Variants in KCNG4 observed in about 807,000 individuals in gnomAD.
KCNG4 encodes the protein potassium voltage-gated channel modifier subfamily G member 4.
In KCNG4, 30 loss-of-function variants were observed where a neutral mutation model predicts 28.2. The observed-to-expected ratio is 1.06, with a 90% CI of 0.80 to 1.44. KCNG4 has a LOEUF of 1.44. KCNG4 is among the 40% of genes most tolerant of loss of function. The pLI is 0.00. For missense variants in KCNG4, 879 were observed against 712.3 expected, an observed-to-expected ratio of 1.23 and a Z score of -2.66; for synonymous variants, 375 against 315.5, an observed-to-expected ratio of 1.19 and a Z score of -2.00.
At position 84,237,402 on chromosome 16, in the gene KCNG4, G is replaced by A; in HGVS notation, c.84C>T (p.Ser28=). The change falls in exon 2 of 3, where the codon TCC becomes TCT. Residue 28 remains serine (S), a synonymous_variant. Coordinates refer to ENST00000308251, the MANE Select transcript of KCNG4 (RefSeq NM_172347.3). ...GSHSPWSQLL[S]SPMETPSIKG... ...TGATGGACGGCGTCTCCATGGGGCT[G>A]GACAGGAGCTGACTCCAAGGGCTGT... 1.3e-6 allele frequency: 2 copies of A among 1,523,948 alleles called. No individual in the cohort carries two copies. The highest frequency in any genetic ancestry group is 2.8e-5 in the African/African-American group (2 of 71,994). 94.4% of individuals were successfully genotyped at this position (1,523,948 alleles called of 1,614,324 possible).
chr16:84,235,060 G>C (rs1904915342), intron 2 of KCNG4, among the ~76,000 whole-genome samples: 1 of 152,178 alleles, frequency 6.6e-6, no homozygotes, highest in Non-Finnish European at 1.5e-5. Context: ...AGACGTGGCT[G>C]CCTGATCCTC....
In KCNG4 at chr16:84,220,139, G is replaced by C. The variant is rs531376882; in HGVS notation, c.*2078C>G. On this transcript the variant is annotated 3_prime_UTR_variant, in exon 3 of 3. Coordinates refer to ENST00000308251, the MANE Select transcript of KCNG4 (RefSeq NM_172347.3). ...CACTTCTATGGCTACTGTCCAAGGT[G>C]CCTGTGACATGGAATTTCTACGCAA... 2 of 152,288 alleles carry C rather than the reference G, an allele frequency of 1.3e-5. No homozygotes were observed. The highest frequency in any genetic ancestry group is 4.1e-4 in the South Asian group (2 of 4,828). 9.4% of individuals were successfully genotyped at this position (152,288 alleles called of 1,614,324 possible). A position where few individuals can be genotyped will look rare whatever the true frequency, so the allele number is the denominator to read the frequency against.
chr16:84,226,133 C>T lies in KCNG4; in HGVS notation c.757-3113G>A, dbSNP rs1567624527. On this transcript the variant is annotated intron_variant, in intron 2 of 2. Coordinates refer to ENST00000308251, the MANE Select transcript of KCNG4 (RefSeq NM_172347.3). The surrounding 1 kb of genome is among the most constrained non-coding windows in gnomAD (Gnocchi z 4.1). Reference sequence around the variant, plus strand: ...CCCTATTCCTAGCCCTTGCCACAGGCAGAGCGAGGTGTGTTCTGGCTCCTT... The same window carrying T: ...CCCTATTCCTAGCCCTTGCCACAGGTAGAGCGAGGTGTGTTCTGGCTCCTT... 1.3e-5 allele frequency among the ~76,000 whole-genome samples: 2 copies of T among 152,208 alleles called. No individual in the cohort carries two copies. Among genetic ancestry groups the T allele is most frequent in the Non-Finnish European group, 2.9e-5 (2 of 68,038 alleles).
intron 2 of KCNG4, among the ~76,000 whole-genome samples, chr16:84,232,692 G>C (rs1567626294): frequency 6.6e-6 from 1 of 152,040 alleles, no homozygotes; most frequent in African/African-American, 2.4e-5. Context: ...TTGAGCTCAG[G>C]AGTTCGAGAC....
At chr16:84,234,421 C>T (rs34764378) in intron 2 of KCNG4, among the ~76,000 whole-genome samples, 18,634 of 152,084 alleles carry the variant, frequency 0.12, 1,325 homozygotes, top group East Asian at 0.28. Flanking sequence ...TCAGGAGATC[C>T]ACCCACCTCG....
rs1597622471 is a variant in KCNG4 at position 84,237,256 on chromosome 16, AGT to A, written c.228_229del (p.Leu77GlyfsTer26). On this transcript the variant is annotated frameshift_variant, in exon 2 of 3. Coordinates refer to ENST00000308251, the MANE Select transcript of KCNG4 (RefSeq NM_172347.3). LOFTEE classifies it high-confidence loss of function. Reference sequence around the variant, plus strand: ...CAGGCGGCTCAGCGGGAACCGGTCCAGTGTGCTCCAGGGGAGGAGATACCTCC... The same window carrying A: ...CAGGCGGCTCAGCGGGAACCGGTCCAGTGCTCCAGGGGAGGAGATACCTCC... 4.3e-6 allele frequency: 7 copies of A among 1,613,648 alleles called. No individual in the cohort carries two copies. The highest frequency in any genetic ancestry group is 5.9e-6 in the Non-Finnish European group (7 of 1,179,698).
intron 2 of KCNG4, among the ~76,000 whole-genome samples, chr16:84,230,496 C>T (rs958506369): frequency 1.3e-5 from 2 of 151,786 alleles, no homozygotes; most frequent in Non-Finnish European, 2.9e-5. Flanking sequence ...GGCGTGAACC[C>T]GGGGGGCAGA....
chr16:84,225,321 C>T (rs1234414844), intron 2 of KCNG4, among the ~76,000 whole-genome samples: 4 of 152,114 alleles, frequency 2.6e-5, no homozygotes, highest in Non-Finnish European at 5.9e-5. Context: ...GACTTTGCAG[C>T]GGCCACTGGC....
rs1245886294 is a variant in KCNG4, at chr16:84,222,239, G to A, written c.1538C>T (p.Ala513Val). 6.2e-7 allele frequency: 1 copy of A among 1,614,146 alleles called. No individual in the cohort carries two copies. Among genetic ancestry groups the A allele is most frequent in the Non-Finnish European group, 8.5e-7 (1 of 1,180,030 alleles). ...DVNDLILEGP[A>V]LPIMHM ...GAGTTACATGTGCATGATAGGCAAG[G>A]CTGGGCCCTCCAGGATTAGGTCATT... is the stretch of plus-strand genomic sequence containing the variant. The change falls in exon 3 of 3, where the codon GCC becomes GTC. Residue 513 changes from alanine (A) to valine (V), a missense_variant. Transcript: ENST00000308251.
chr16:84,237,622 C>G, intron 1 of KCNG4, 97 bp from the exon 2 acceptor site: 2 of 783,832 alleles, frequency 2.6e-6, no homozygotes, highest in Non-Finnish European at 1.8e-6. Context: ...CTTACGTGTG[C>G]TTTCCTGTGA....
chr16:84,237,078 C>T lies in KCNG4; in HGVS notation c.408G>A (p.Gln136=). ...CCTGGAAGGACAGCGCGCACATCTC[C>T]TGCAGAAGCACCAGCTTCCCGGCCG... ...FLAAGKLVLL[Q]EMCALSFQEE... Residue 136 remains glutamine, a synonymous_variant, in exon 2 of 3, where the codon CAG becomes CAA. Transcript: ENST00000308251. 12 of 1,614,138 alleles carry T rather than the reference C, an allele frequency of 7.4e-6. No individual in the cohort carries two copies. The highest frequency in any genetic ancestry group is 1.0e-5 in the Non-Finnish European group (12 of 1,180,026).
Position 84,221,028 on chromosome 16 carries a change from C to T in KCNG4, c.*1189G>A, listed in dbSNP as rs1208889258. 1.3e-5 allele frequency: 2 copies of T among 152,362 alleles called. No individual in the cohort carries two copies. Among genetic ancestry groups the T allele is most frequent in the African/African-American group, 4.8e-5 (2 of 41,456 alleles). The allele number at this position is 152,362 out of a possible 1,614,324, so 9.4% of individuals were successfully genotyped here. On this transcript the variant is annotated 3_prime_UTR_variant, in exon 3 of 3. Transcript: ENST00000308251. Reference sequence around the variant, plus strand: ...CTGTGAGGCCTTTGGGAGCCCACTGCTTGGAAGTCATTGCTCCTTCCTGCC... The same window carrying T: ...CTGTGAGGCCTTTGGGAGCCCACTGTTTGGAAGTCATTGCTCCTTCCTGCC...
chr16:84,233,339 G>C (rs901407372), intron 2 of KCNG4, among the ~76,000 whole-genome samples: 14 of 152,342 alleles, frequency 9.2e-5, no homozygotes, highest in African/African-American at 3.4e-4. Flanking sequence ...GTTTTACAAA[G>C]TCTGGCTGCC....
At chr16:84,228,556 C>G (rs536562761) in intron 2 of KCNG4, among the ~76,000 whole-genome samples, 6 of 152,274 alleles carry the variant, frequency 3.9e-5, no homozygotes, top group East Asian at 3.9e-4. Context: ...GGGCCTCCCC[C>G]CAGGCACTAC....
intron 1 of KCNG4, among the ~76,000 whole-genome samples, chr16:84,239,100 A>G (rs1197903057): frequency 1.3e-5 from 2 of 152,010 alleles, no homozygotes; most frequent in Admixed American, 6.6e-5. Flanking sequence ...GATGCACTCC[A>G]CTCCAATCAA....
At chr16:84,230,462 C>T (rs573448315) in intron 2 of KCNG4, among the ~76,000 whole-genome samples, 1 of 142,018 alleles carries the variant, frequency 7.0e-6, no homozygotes, top group Non-Finnish European at 1.5e-5. Context: ...GTCGCAGCTA[C>T]TCAGGAGGCT....
Position 84,237,214 on chromosome 16 carries a change from CAG to C in KCNG4, c.270_271del (p.Cys91SerfsTer12), listed in dbSNP as rs1366774303. Reference sequence around the variant, plus strand: ...CTGCACGATCTCCTCGTAGCTCCGACAGAGCCTGAGTTTGCTCAGGCGGCTCA... The same window carrying C: ...CTGCACGATCTCCTCGTAGCTCCGACAGCCTGAGTTTGCTCAGGCGGCTCA... On this transcript the variant is annotated frameshift_variant, in exon 2 of 3. Transcript: ENST00000308251. LOFTEE classifies it high-confidence loss of function. 1.2e-6 allele frequency: 2 copies of C among 1,614,170 alleles called. No individual in the cohort carries two copies. Among genetic ancestry groups the C allele is most frequent in the Admixed American group, 1.7e-5 (1 of 60,030 alleles).
Position 84,220,778 on chromosome 16 carries a change from G to A in KCNG4, c.*1439C>T, listed in dbSNP as rs39552. On this transcript the variant is annotated 3_prime_UTR_variant, in exon 3 of 3. Transcript: ENST00000308251. ...ATTTGACAGAATCTTGCAGGATTAA[G>A]CCCGTGAAGGAGGGAGGGCTGTCTT... 0.66 allele frequency: 101,168 copies of A among 152,160 alleles called. 35,109 individuals carry two copies. Among genetic ancestry groups the A allele is most frequent in the African/African-American group, 0.87 (36,314 of 41,526 alleles). 9.4% of individuals were successfully genotyped at this position (152,160 alleles called of 1,614,324 possible).
At position 84,221,194 on chromosome 16, in the gene KCNG4, A is replaced by C. The variant is rs1435546622; in HGVS notation, c.*1023T>G. The C allele has an allele frequency of 6.6e-6, 1 of 152,284 alleles. No individual in the cohort carries two copies. The highest frequency in any genetic ancestry group is 1.5e-5 in the Non-Finnish European group (1 of 68,088). The allele number at this position is 152,284 out of a possible 1,614,324, so 9.4% of individuals were successfully genotyped here. On this transcript the variant is annotated 3_prime_UTR_variant, in exon 3 of 3. Coordinates refer to ENST00000308251, the MANE Select transcript of KCNG4 (RefSeq NM_172347.3). ...TGTGAGCTAAGAATGTCTATCCTCC[A>C]GCATGGAGATGACTAGTCTGGGAAG...
Sources: gnomAD v4.1 joint callset for allele counts (sites outside exome capture counted in the v4.1 genomes callset) on GRCh38, gnomAD v4.1.1 for gene constraint, Gnocchi (gnomAD v3.1) non-coding constraint, MANE v1.5 for transcripts, NCBI Gene and HGNC (gene_info 2026-07-23, HGNC 2026-07-21) for gene names.